Variants in IARS1 observed in about 807,000 individuals in gnomAD.
The protein encoded by IARS1 is isoleucine--tRNA ligase, cytoplasmic.
IARS1 carries 124 observed loss-of-function variants against 168.2 expected under a neutral mutation model. That is an observed-to-expected ratio of 0.74 (90% confidence interval 0.64 to 0.86). The LOEUF is 0.86. Among genes scored for constraint, IARS1 ranks in the 40% least tolerant of loss-of-function variants. The probability of loss-of-function intolerance (pLI) is 0.00; values close to 1 mark genes in which losing one functional copy is unlikely to be tolerated. For synonymous variants in IARS1, 532 were observed against 529.4 expected (o/e 1.00, Z -0.07); for missense variants, 1,452 against 1,515.8 (o/e 0.96, Z 0.70).
At chr9:92,252,764 CAAAAAAA>C (rs34983021) in intron 21 of IARS1, among the ~76,000 whole-genome samples, 19 of 27,236 alleles carry the variant, frequency 7.0e-4, no homozygotes, top group African/African-American at 2.8e-3. Flanking sequence ...AACTCCTTCT[CAAAAAAA>C]AAAAAAAAAA....
rs1831319359 is a variant in IARS1 at position 92,260,171 on chromosome 9, C to T, written c.1851G>A (p.Lys617=). 3 of 1,613,830 alleles carry T rather than the reference C, an allele frequency of 1.9e-6. No individual in the cohort carries two copies. The highest frequency in any genetic ancestry group is 2.2e-5 in the South Asian group (2 of 91,088). ...NYPDPVSIIQ[K]YGADALRLYL... is the part of the protein sequence containing the mutation. ...TGTACCTGAGGGCATCAGCACCATA[C>T]TTCTGGATGATGGAAACTGGATCTG... The change falls in exon 18 of 34, where the codon AAG becomes AAA. Residue 617 remains lysine, a synonymous_variant. Coordinates refer to ENST00000443024, the MANE Select transcript of IARS1 (RefSeq NM_002161.6).
intron 6 of IARS1, among the ~76,000 whole-genome samples, chr9:92,282,566 T>G (rs1055794024): frequency 6.6e-6 from 1 of 151,800 alleles, no homozygotes; most frequent in African/African-American, 2.4e-5. Context: ...AGCTCTGGAG[T>G]TTGAGACCAG....
chr9:92,270,151 C>G (rs1832813481), intron 12 of IARS1, among the ~76,000 whole-genome samples, 168 bp from the exon 13 acceptor site: 1 of 152,150 alleles, frequency 6.6e-6, no homozygotes, highest in Non-Finnish European at 1.5e-5. Flanking sequence ...TTGGTCATAT[C>G]TTTCCACAAT....
At chr9:92,238,887 T>G (rs531354425) in intron 30 of IARS1, among the ~76,000 whole-genome samples, 1 of 152,322 alleles carries the variant, frequency 6.6e-6, no homozygotes, top group South Asian at 2.1e-4. Flanking sequence ...ATGTTGCTGG[T>G]AGGTTCTTGG....
intron 25 of IARS1, 112 bp downstream of exon 25, chr9:92,249,746 T>C (rs1039213837): frequency 4.6e-5 from 26 of 566,772 alleles, no homozygotes; most frequent in Middle Eastern, 9.5e-4. Flanking sequence ...ACATTTGTTA[T>C]GACTATACTA....
intron 23 of IARS1, 65 bp from the exon 24 acceptor site, chr9:92,250,354 G>A (rs1470774215): frequency 1.2e-5 from 12 of 992,224 alleles, no homozygotes; most frequent in Non-Finnish European, 1.8e-5. Context: ...AAGGCACTAG[G>A]CATGCATAAG....
chr9:92,289,698 C>T (rs934336496), intron 1 of IARS1, among the ~76,000 whole-genome samples: 2 of 152,156 alleles, frequency 1.3e-5, no homozygotes, highest in African/African-American at 4.8e-5. Context: ...GCAGTCACTC[C>T]CCATTCTTTC....
chr9:92,258,007 C>T (rs1034202415), intron 19 of IARS1, among the ~76,000 whole-genome samples: 11 of 152,150 alleles, frequency 7.2e-5, no homozygotes, highest in African/African-American at 2.4e-4. Flanking sequence ...AGGTAACTGC[C>T]ATTGAAGTAC....
At chr9:92,250,659 G>C (rs1315781495) in intron 23 of IARS1, 54 bp downstream of exon 23, 4 of 1,495,098 alleles carry the variant, frequency 2.7e-6, no homozygotes, top group South Asian at 2.6e-5. Context: ...CCACATGCTT[G>C]AGCAACTCTC....
chr9:92,287,765 A>G, intron 4 of IARS1, 26 bp downstream of exon 4: 1 of 1,601,634 alleles, frequency 6.2e-7, no homozygotes, highest in Non-Finnish European at 8.5e-7. Flanking sequence ...TTTGCTGTTC[A>G]TTCTACTGAA....
intron 31 of IARS1, among the ~76,000 whole-genome samples, chr9:92,225,648 G>A (rs1238369083): frequency 1.3e-5 from 2 of 150,786 alleles, no homozygotes; most frequent in African/African-American, 4.9e-5. Context: ...ATGTATAGAT[G>A]TCAAGATCAC....
At chr9:92,283,208 C>A (rs1365248888) in intron 6 of IARS1, among the ~76,000 whole-genome samples, 4 of 152,244 alleles carry the variant, frequency 2.6e-5, no homozygotes, top group Admixed American at 2.6e-4. Context: ...TGGGCCAAAT[C>A]TGGCTCATCA....
At chr9:92,246,492 C>T (rs754978421) in intron 26 of IARS1, among the ~76,000 whole-genome samples, 13 of 152,210 alleles carry the variant, frequency 8.5e-5, no homozygotes, top group Non-Finnish European at 1.9e-4. Flanking sequence ...GCTGATTTCC[C>T]TTTCCTAATC....
At chr9:92,250,409 G>T (rs1271622103) in intron 23 of IARS1, 120 bp from the exon 24 acceptor site, 10 of 717,826 alleles carry the variant, frequency 1.4e-5, no homozygotes, top group Non-Finnish European at 2.4e-5. Flanking sequence ...GGCCCTCCTG[G>T]TGAAGCACTG....
rs144545972 is a variant in IARS1, at chr9:92,251,398, C to T, written c.2307+410G>A. 2.2e-3 allele frequency among the ~76,000 whole-genome samples: 339 copies of T among 152,270 alleles called. 4 individuals carry two copies. The highest frequency in any genetic ancestry group is 7.5e-3 in the African/African-American group (313 of 41,536). ...AACATATATCAAACAATTACTTGCA[C>T]GTTTTCCTCTCAATGCTAAGTTAAA... is the stretch of plus-strand genomic sequence containing the variant. On this transcript the variant is annotated intron_variant, in intron 22 of 33. Transcript: ENST00000443024.
At chr9:92,275,870 G>A (rs958966658) in intron 9 of IARS1, among the ~76,000 whole-genome samples, 1 of 152,236 alleles carries the variant, frequency 6.6e-6, no homozygotes, top group East Asian at 1.9e-4. Context: ...GTCACCGAAG[G>A]TTTCAGGTAG....
Position 92,243,205 on chromosome 9 carries a change from G to T in IARS1, c.3000+11C>A. 4 of 1,606,996 alleles carry T rather than the reference G, an allele frequency of 2.5e-6. No homozygotes were observed. The South Asian group carries it at 4.4e-5, about 18-fold the overall frequency. On this transcript the variant is annotated intron_variant, in intron 28 of 33. Transcript: ENST00000443024. ...CCAAAACAGTAGCTTATTCTTAACT[G>T]ACAAACTAACCTTTTTGCGAAGTTT...
chr9:92,220,691 T>C (rs1353835020), intron 33 of IARS1, among the ~76,000 whole-genome samples: 1 of 151,878 alleles, frequency 6.6e-6, no homozygotes, highest in Non-Finnish European at 1.5e-5. Context: ...TTAGGCAGGG[T>C]GTGGTGGTTC....
chr9:92,253,542 C>T (rs2133731225), intron 20 of IARS1, 89 bp from the exon 21 acceptor site: 1 of 782,366 alleles, frequency 1.3e-6, no homozygotes. Flanking sequence ...GAAGGGGCAG[C>T]TCCTTCCATC....
Sources: allele counts gnomAD v4.1 joint callset (sites outside exome capture counted in the v4.1 genomes callset), GRCh38; gene constraint gnomAD v4.1.1; transcripts MANE v1.5; gene names NCBI Gene and HGNC (gene_info 2026-07-23, HGNC 2026-07-21).